CDK19: variants seen among roughly 807,000 people sequenced by gnomAD.
CDK19 encodes the protein cyclin-dependent kinase 19.
CDK19 carries 20 observed loss-of-function variants against 68.3 expected under a neutral mutation model. The ratio of observed to expected loss-of-function variants is 0.29; its 90% confidence interval spans 0.21 to 0.43. The LOEUF (loss-of-function observed/expected upper bound fraction) is 0.43, where lower values mean the gene tolerates loss of function less well. Ranked by LOEUF, CDK19 falls within the 20% of genes least tolerant of loss-of-function variation. CDK19 has a pLI of 1.00. For synonymous variants in CDK19, 221 were observed against 222.8 expected, an observed-to-expected ratio of 0.99 and a Z score of 0.07; for missense variants, 339 against 623.5, an observed-to-expected ratio of 0.54 and a Z score of 4.86.
At chr6:110,690,825 A>T (rs1047536438) in intron 2 of CDK19, among the ~76,000 whole-genome samples, 1 of 152,226 alleles carries the variant, frequency 6.6e-6, no homozygotes, top group Non-Finnish European at 1.5e-5. Context: ...AATAAACTAT[A>T]AACATTAAAG....
At chr6:110,814,852 C>T (rs1361673451) in intron 1 of CDK19, 157 bp downstream of exon 1, 10 of 947,184 alleles carry the variant, frequency 1.1e-5, no homozygotes, top group Non-Finnish European at 1.6e-5. Context: ...GCGGGCGGAA[C>T]GGGCGCCCCT....
At chr6:110,710,492 G>A (rs977270486) in intron 2 of CDK19, among the ~76,000 whole-genome samples, 2 of 152,204 alleles carry the variant, frequency 1.3e-5, no homozygotes, top group South Asian at 2.1e-4. Context: ...GTCTCAGTCT[G>A]TTTGGGCTGC....
intron 2 of CDK19, among the ~76,000 whole-genome samples, chr6:110,725,223 C>T (rs1776235053): frequency 6.6e-6 from 1 of 151,894 alleles, no homozygotes. Context: ...GAACAGTAGC[C>T]AAACTAGAAT....
intron 1 of CDK19, among the ~76,000 whole-genome samples, chr6:110,810,962 T>C (rs1365076660): frequency 6.6e-6 from 1 of 152,112 alleles, no homozygotes; most frequent in East Asian, 1.9e-4. Context: ...GGAGGTAAGA[T>C]GGCCTTTTTT....
intron 1 of CDK19, among the ~76,000 whole-genome samples, chr6:110,758,470 AC>A (rs1778978571): frequency 6.6e-6 from 1 of 152,052 alleles, no homozygotes; most frequent in Non-Finnish European, 1.5e-5. Context: ...CATCTCCCTT[AC>A]CCCATCCCCA....
intron 1 of CDK19, among the ~76,000 whole-genome samples, chr6:110,794,409 T>TGAAAC (rs200479662): frequency 1.5e-5 from 2 of 133,800 alleles, no homozygotes; most frequent in African/African-American, 5.7e-5. Flanking sequence ...TTTGAAACTT[T>TGAAAC]TTTTTTTTTT....
chr6:110,814,456 C>G (rs760327501), intron 1 of CDK19: 32 of 363,400 alleles, frequency 8.8e-5, no homozygotes, highest in Non-Finnish European at 1.6e-4. Context: ...GCCGGCCAGC[C>G]CGAAGGGCGG....
At chr6:110,738,573 A>T (rs2114838605) in intron 2 of CDK19, among the ~76,000 whole-genome samples, 1 of 152,198 alleles carries the variant, frequency 6.6e-6, no homozygotes, top group Admixed American at 6.5e-5. Flanking sequence ...GAGATAATGT[A>T]ATTAAATAAT....
intron 8 of CDK19, among the ~76,000 whole-genome samples, chr6:110,624,765 T>G (rs953649099): frequency 6.6e-6 from 1 of 152,348 alleles, no homozygotes; most frequent in East Asian, 1.9e-4. Context: ...AGCTGTGGCA[T>G]ACAAGTCCTT....
In CDK19 at chr6:110,621,239, G is replaced by T. The variant is rs771959557; in HGVS notation, c.1242C>A (p.Ala414=). 6.2e-7 allele frequency: 1 copy of T among 1,612,922 alleles called. No individual in the cohort carries two copies. The highest frequency in any genetic ancestry group is 1.7e-5 in the Admixed American group (1 of 59,988). ...QTNGTAGGAG[A]GVGGTGAGLQ... is the part of the protein sequence containing the mutation. ...ACCCTGCTCCGGTGCCCCCGACCCC[G>T]GCCCCAGCCCCACCTGCGGTCCCGT... The change falls in exon 12 of 13, where the codon GCC becomes GCA. Residue 414 remains alanine (A), a synonymous_variant. Coordinates refer to ENST00000368911, the MANE Select transcript of CDK19 (RefSeq NM_015076.5). This position sits in a 1 kb window ranked among gnomAD's most constrained non-coding sequence, Gnocchi z 5.4.
intron 1 of CDK19, among the ~76,000 whole-genome samples, chr6:110,749,271 C>A (rs1244882451): frequency 6.6e-6 from 1 of 152,166 alleles, no homozygotes; most frequent in Non-Finnish European, 1.5e-5. Flanking sequence ...TCACTCTCAG[C>A]AGTCACAATG....
intron 2 of CDK19, among the ~76,000 whole-genome samples, chr6:110,730,688 T>G (rs1776683253): frequency 6.6e-6 from 1 of 152,250 alleles, no homozygotes; most frequent in Admixed American, 6.5e-5. Flanking sequence ...CTGAGGCATC[T>G]TTGAACCTCA....
intron 2 of CDK19, among the ~76,000 whole-genome samples, chr6:110,687,147 A>G (rs2114553344): frequency 6.6e-6 from 1 of 152,316 alleles, no homozygotes; most frequent in Non-Finnish European, 1.5e-5. Flanking sequence ...TACCTCCCAG[A>G]TGGCACTGGC....
In CDK19 at chr6:110,621,727, C is replaced by T. The variant is rs1187678219; in HGVS notation, c.1111-357G>A. 2.0e-5 allele frequency among the ~76,000 whole-genome samples: 3 copies of T among 152,168 alleles called. No homozygotes were observed. Among genetic ancestry groups the T allele is most frequent in the Non-Finnish European group, 4.4e-5 (3 of 68,024 alleles). On this transcript the variant is annotated intron_variant, in intron 11 of 12. Transcript: ENST00000368911. This position sits in a 1 kb window ranked among gnomAD's most constrained non-coding sequence, Gnocchi z 5.4. ...CAATCGTGATTCTGGAAAGGCAGAGCGGTCTGGAGAGTGAGCCAATATATC... is the reference window on the plus strand; with the variant it reads ...CAATCGTGATTCTGGAAAGGCAGAGTGGTCTGGAGAGTGAGCCAATATATC...
Position 110,612,012 on chromosome 6 carries a change from G to A in CDK19, c.*2523C>T, listed in dbSNP as rs1384760534. ...GAGCAACTGACGAAATCCCCTTACA[G>A]TTTATATTTCAGTTCTGCCAGCAAA... On this transcript the variant is annotated 3_prime_UTR_variant, in exon 13 of 13. Transcript: ENST00000368911. 3 of 152,210 alleles carry A rather than the reference G, an allele frequency of 2.0e-5. No individual in the cohort carries two copies. Among genetic ancestry groups the A allele is most frequent in the Non-Finnish European group, 4.4e-5 (3 of 68,050 alleles). The allele number at this position is 152,210 out of a possible 1,614,324, so 9.4% of individuals were successfully genotyped here.
chr6:110,625,972 T>C (rs1343371767), intron 8 of CDK19, among the ~76,000 whole-genome samples: 1 of 152,206 alleles, frequency 6.6e-6, no homozygotes, highest in East Asian at 1.9e-4. Context: ...TCACATGCCA[T>C]CACCCTTAAT....
chr6:110,678,844 A>G (rs990936457), intron 2 of CDK19, among the ~76,000 whole-genome samples: 8 of 152,236 alleles, frequency 5.3e-5, no homozygotes, highest in African/African-American at 1.9e-4. Context: ...CTATAAGCAT[A>G]CAAATTATGT....
chr6:110,711,234 G>A (rs1278669565), intron 2 of CDK19, among the ~76,000 whole-genome samples: 1 of 152,162 alleles, frequency 6.6e-6, no homozygotes, highest in East Asian at 1.9e-4. Context: ...AGAATGGTTA[G>A]ACACTGAATG....
chr6:110,777,706 A>G (rs9487519), intron 1 of CDK19, among the ~76,000 whole-genome samples: 2,116 of 152,338 alleles, frequency 0.014, 52 homozygotes, highest in African/African-American at 0.048. Context: ...TGTTTGTAGC[A>G]CCATTATTCA....
Sources: gnomAD v4.1 joint callset for allele counts (sites outside exome capture counted in the v4.1 genomes callset) on GRCh38, gnomAD v4.1.1 for gene constraint, Gnocchi (gnomAD v3.1) non-coding constraint, MANE v1.5 for transcripts, NCBI Gene and HGNC (gene_info 2026-07-23, HGNC 2026-07-21) for gene names.